ZFPM2: variants seen among roughly 807,000 people sequenced by gnomAD.
ZFPM2 encodes the protein zinc finger protein ZFPM2.
Under a neutral mutation model 98.6 loss-of-function variants are expected in ZFPM2, and 20 were observed. The ratio of observed to expected loss-of-function variants is 0.20; its 90% CI spans 0.14 to 0.29. ZFPM2 has a LOEUF of 0.29. ZFPM2 is among the 10% of genes least tolerant of loss of function. The pLI, the probability that ZFPM2 is intolerant of heterozygous loss-of-function variation, is 1.00. For synonymous variants in ZFPM2, 518 were observed against 502.7 expected, an observed-to-expected ratio of 1.03 and a Z score of -0.41; for missense variants, 1,310 against 1,388.6, an observed-to-expected ratio of 0.94 and a Z score of 0.90.
chr8:105,779,746 T>A (rs1333511323), intron 5 of ZFPM2, among the ~76,000 whole-genome samples: 1 of 152,184 alleles, frequency 6.6e-6, no homozygotes, highest in African/African-American at 2.4e-5. Context: ...TAATCTTAAT[T>A]AGAGTTTATC....
At chr8:105,786,152 C>T (rs1393246998) in intron 5 of ZFPM2, among the ~76,000 whole-genome samples, 1 of 151,774 alleles carries the variant, frequency 6.6e-6, no homozygotes, top group Non-Finnish European at 1.5e-5. Flanking sequence ...TTCACACCTC[C>T]TCATTTATAG....
rs182609576 is a variant in ZFPM2 at position 105,725,591 on chromosome 8, G to T, written c.533-63127G>T. Among the ~76,000 whole-genome samples, 8 of 151,790 alleles carry T rather than the reference G, an allele frequency of 5.3e-5. No homozygotes were observed. In the East Asian group the frequency reaches 1.6e-3, roughly 30 times the overall value. ...CTTCAGGCATAAATCAGGATGTATG[G>T]TAACCTCACCCCAAATTCATGCTGT... On this transcript the variant is annotated intron_variant, in intron 5 of 7. Coordinates refer to ENST00000407775, the MANE Select transcript of ZFPM2 (RefSeq NM_012082.4).
At chr8:105,683,392 C>G (rs939796866) in intron 5 of ZFPM2, among the ~76,000 whole-genome samples, 10 of 152,144 alleles carry the variant, frequency 6.6e-5, no homozygotes, top group African/African-American at 2.4e-4. Context: ...TGTCACCATT[C>G]AAACAGCCTC....
At chr8:105,499,819 G>A (rs189258025) in intron 3 of ZFPM2, among the ~76,000 whole-genome samples, 15 of 152,290 alleles carry the variant, frequency 9.8e-5, no homozygotes, top group African/African-American at 3.6e-4. Context: ...AGGGGCAGAG[G>A]TGGAGGTTGG....
At chr8:105,345,292 A>T (rs1310763466) in intron 1 of ZFPM2, among the ~76,000 whole-genome samples, 5 of 152,108 alleles carry the variant, frequency 3.3e-5, no homozygotes, top group African/African-American at 1.2e-4. Context: ...GAGCTTTTTC[A>T]GCATCTTTGA....
At chr8:105,445,672 T>G (rs1812352987) in intron 3 of ZFPM2, among the ~76,000 whole-genome samples, 1 of 151,970 alleles carries the variant, frequency 6.6e-6, no homozygotes, top group Admixed American at 6.6e-5. Context: ...TGGCATGATC[T>G]TGGCTCACTG....
intron 1 of ZFPM2, among the ~76,000 whole-genome samples, chr8:105,409,808 G>C (rs1213612530): frequency 6.6e-6 from 1 of 151,820 alleles, no homozygotes; most frequent in African/African-American, 2.4e-5. Flanking sequence ...GAAATCGGTA[G>C]ATCTGGAGTA....
intron 1 of ZFPM2, among the ~76,000 whole-genome samples, chr8:105,389,950 A>G (rs139031984): frequency 0.032 from 4,904 of 152,296 alleles, 105 homozygotes; most frequent in Non-Finnish European, 0.045. Context: ...CAAAATGCCC[A>G]TTTACATATG....
At chr8:105,768,662 C>G (rs887078705) in intron 5 of ZFPM2, among the ~76,000 whole-genome samples, 1 of 151,906 alleles carries the variant, frequency 6.6e-6, no homozygotes, top group Non-Finnish European at 1.5e-5. Flanking sequence ...AATTTAGAAT[C>G]TCTATATATG....
chr8:105,417,728 A>G (rs1399842264), intron 1 of ZFPM2, among the ~76,000 whole-genome samples: 4 of 152,198 alleles, frequency 2.6e-5, no homozygotes, highest in Admixed American at 6.5e-5. Context: ...TATGAGATGC[A>G]TGACTTTTGA....
intron 5 of ZFPM2, among the ~76,000 whole-genome samples, chr8:105,636,133 A>G (rs1816842904): frequency 6.6e-6 from 1 of 152,150 alleles, no homozygotes; most frequent in African/African-American, 2.4e-5. Flanking sequence ...CACTTGCGGC[A>G]TCATGTTGTT....
intron 5 of ZFPM2, among the ~76,000 whole-genome samples, chr8:105,714,951 G>GTT (rs1340365504): frequency 6.6e-6 from 1 of 152,104 alleles, no homozygotes; most frequent in East Asian, 1.9e-4. Context: ...CAATAAAGAA[G>GTT]TTGCTTATAC....
intron 1 of ZFPM2, among the ~76,000 whole-genome samples, chr8:105,400,603 G>A (rs903079659): frequency 1.2e-4 from 18 of 152,064 alleles, no homozygotes; most frequent in Non-Finnish European, 2.6e-4. Flanking sequence ...ACTGGATGGT[G>A]TTTTTATTGT....
chr8:105,408,071 A>G (rs17211990), intron 1 of ZFPM2, among the ~76,000 whole-genome samples: 51,233 of 151,608 alleles, frequency 0.34, 10,739 homozygotes, highest in African/African-American at 0.59. Context: ...AGGCTTTGTT[A>G]TCAAAGGCAG....
intron 5 of ZFPM2, among the ~76,000 whole-genome samples, chr8:105,757,172 T>G (rs1812620604): frequency 6.6e-6 from 1 of 152,160 alleles, no homozygotes; most frequent in Non-Finnish European, 1.5e-5. Flanking sequence ...AATTGCTCCC[T>G]GAGAGAATAC....
At chr8:105,661,904 G>A (rs909836890) in intron 5 of ZFPM2, among the ~76,000 whole-genome samples, 1 of 152,010 alleles carries the variant, frequency 6.6e-6, no homozygotes, top group African/African-American at 2.4e-5. Flanking sequence ...GCGCTGCAAG[G>A]TAGGTGATGT....
chr8:105,724,448 A>G (rs1811757597), intron 5 of ZFPM2, among the ~76,000 whole-genome samples: 1 of 151,842 alleles, frequency 6.6e-6, no homozygotes, highest in South Asian at 2.1e-4. Flanking sequence ...GGTGTTGTTC[A>G]AGGTTTATGG....
At chr8:105,687,634 A>C (rs1554572993) in intron 5 of ZFPM2, among the ~76,000 whole-genome samples, 1 of 152,160 alleles carries the variant, frequency 6.6e-6, no homozygotes, top group Non-Finnish European at 1.5e-5. Flanking sequence ...TAATATTTGG[A>C]CTTTTAAGGC....
At chr8:105,726,327 A>C (rs577612273) in intron 5 of ZFPM2, among the ~76,000 whole-genome samples, 5 of 151,952 alleles carry the variant, frequency 3.3e-5, no homozygotes, top group African/African-American at 1.2e-4. Context: ...TATAAAAGTG[A>C]ATTCTTCTTC....
Sources: allele counts gnomAD v4.1 joint callset (sites outside exome capture counted in the v4.1 genomes callset), GRCh38; gene constraint gnomAD v4.1.1; transcripts MANE v1.5; gene names NCBI Gene and HGNC (gene_info 2026-07-23, HGNC 2026-07-21).